Variants in POGLUT1 observed in about 807,000 individuals in gnomAD.
POGLUT1 encodes 9630046K23Rik.
Under a neutral mutation model 61.3 loss-of-function variants are expected in POGLUT1, and 32 were observed. That is an observed-to-expected ratio of 0.52 (90% CI 0.39 to 0.70). The LOEUF (loss-of-function observed/expected upper bound fraction) is 0.70. POGLUT1 is among the 30% of genes least tolerant of loss of function. The pLI is 0.00. For missense variants in POGLUT1, 411 were observed against 469.8 expected, an observed-to-expected ratio of 0.87 and a Z score of 1.16; for synonymous variants, 158 against 158.2, an observed-to-expected ratio of 1.00 and a Z score of 0.01.
intron 5 of POGLUT1, among the ~76,000 whole-genome samples, chr3:119,481,780 C>A (rs905900737): frequency 1.3e-5 from 2 of 152,278 alleles, no homozygotes; most frequent in South Asian, 4.1e-4. Context: ...GGCCTAAAGA[C>A]CAGGTTTCCA....
chr3:119,492,300 G>A lies in POGLUT1; in HGVS notation c.1041G>A (p.Arg347=), dbSNP rs1560040845. ...EIAERGSQFI[R]NHLQMDDITC... is the part of the protein sequence containing the mutation. Reference sequence around the variant, plus strand: ...TCTCTAGGGGAAGCCAGTTTATTAGGAACCATTTGCAGATGGATGACATCA... The same window carrying A: ...TCTCTAGGGGAAGCCAGTTTATTAGAAACCATTTGCAGATGGATGACATCA... Residue 347 remains arginine, a synonymous_variant, in exon 11 of 11, where the codon AGG becomes AGA. Coordinates refer to ENST00000295588, the MANE Select transcript of POGLUT1 (RefSeq NM_152305.3). The A allele has an allele frequency of 6.2e-6, 10 of 1,603,830 alleles. No homozygotes were observed. Among genetic ancestry groups the A allele is most frequent in the Admixed American group, 1.7e-5 (1 of 58,232 alleles).
intron 5 of POGLUT1, among the ~76,000 whole-genome samples, chr3:119,481,180 A>T (rs1269156184): frequency 1.1e-4 from 16 of 152,222 alleles, no homozygotes; most frequent in Admixed American, 9.8e-4. Context: ...TTGAGAGCTA[A>T]GTAGTTTAGG....
At chr3:119,485,267 A>C (rs1393024009) in intron 5 of POGLUT1, 61 bp from the exon 6 acceptor site, 1 of 1,041,620 alleles carries the variant, frequency 9.6e-7, no homozygotes, top group Non-Finnish European at 1.5e-6. Context: ...GAAATGGTTA[A>C]AGCACATTCT....
At position 119,469,032 on chromosome 3, in the gene POGLUT1, G is replaced by T. The variant is rs587777293; in HGVS notation, c.11G>T (p.Trp4Leu). The T allele has an allele frequency of 6.2e-7, 1 of 1,608,630 alleles. No homozygotes were observed. Among genetic ancestry groups the T allele is most frequent in the Admixed American group, 1.7e-5 (1 of 59,860 alleles). The part of the protein sequence containing the change: MEW[W>L]ASSPLRLWLL... ...GTAGGTCTGCCGGCGATGGAGTGGTGGGCTAGCTCGCCGCTTCGGCTCTGG... is the reference window on the plus strand; with the variant it reads ...GTAGGTCTGCCGGCGATGGAGTGGTTGGCTAGCTCGCCGCTTCGGCTCTGG... The change falls in exon 1 of 11, where the codon TGG (tryptophan) becomes TTG (leucine). Residue 4 changes from tryptophan to leucine, a missense_variant. Physicochemically the swap from Trp to Leu is moderately conservative, Grantham distance 61. Coordinates refer to ENST00000295588, the MANE Select transcript of POGLUT1 (RefSeq NM_152305.3).
intron 5 of POGLUT1, among the ~76,000 whole-genome samples, chr3:119,484,312 T>C (rs2081640692): frequency 6.6e-6 from 1 of 152,236 alleles, no homozygotes; most frequent in Non-Finnish European, 1.5e-5. Flanking sequence ...TCTCCGTTAC[T>C]GTAATCCAGC....
intron 7 of POGLUT1, among the ~76,000 whole-genome samples, chr3:119,487,613 AT>A (rs1295775581): frequency 6.6e-6 from 1 of 152,170 alleles, no homozygotes; most frequent in Non-Finnish European, 1.5e-5. Flanking sequence ...AATAAAAATA[AT>A]AAAAAATAAA....
chr3:119,474,653 T>A (rs1409618210), intron 3 of POGLUT1, among the ~76,000 whole-genome samples: 1 of 152,050 alleles, frequency 6.6e-6, no homozygotes, highest in Non-Finnish European at 1.5e-5. Context: ...CTGGCCAATA[T>A]GGTGAAACCC....
intron 3 of POGLUT1, among the ~76,000 whole-genome samples, chr3:119,472,444 C>T (rs1469566548): frequency 3.9e-5 from 6 of 152,164 alleles, no homozygotes; most frequent in Admixed American, 2.0e-4. Context: ...AGGCCGGGTG[C>T]GGTGGCTCAA....
chr3:119,477,622 G>A (rs1245656256), intron 4 of POGLUT1, among the ~76,000 whole-genome samples, 174 bp downstream of exon 4: 1 of 152,236 alleles, frequency 6.6e-6, no homozygotes, highest in African/African-American at 2.4e-5. Context: ...AGACAGAGGA[G>A]ATGAAGTTGA....
intron 6 of POGLUT1, 29 bp downstream of exon 6, chr3:119,485,416 A>G: frequency 6.9e-7 from 1 of 1,458,064 alleles, no homozygotes; most frequent in East Asian, 2.3e-5. Flanking sequence ...TTTTACAAAG[A>G]TATTCTTCCA....
At chr3:119,471,736 G>T in intron 3 of POGLUT1, 1 of 396,752 alleles carries the variant, frequency 2.5e-6, no homozygotes, top group South Asian at 2.3e-5. Context: ...GACACAGGCT[G>T]ATGAGGCCTA....
Position 119,469,314 on chromosome 3 carries a change from C to T in POGLUT1, c.85+208C>T, listed in dbSNP as rs114618989. 3.0e-3 allele frequency: 1,765 copies of T among 589,834 alleles called. 29 individuals carry two copies. The highest frequency in any genetic ancestry group is 0.029 in the African/African-American group (1,552 of 52,828). The allele number at this position is 589,834 out of a possible 1,614,324, so 36.5% of individuals were successfully genotyped here. On this transcript the variant is annotated intron_variant, in intron 1 of 10. Coordinates refer to ENST00000295588, the MANE Select transcript of POGLUT1 (RefSeq NM_152305.3). Reference sequence around the variant, plus strand: ...GGACCCTGGAGAGTAACCCATTCCCCGGAATTCAGAATGACAGGGAGGAGA... The same window carrying T: ...GGACCCTGGAGAGTAACCCATTCCCTGGAATTCAGAATGACAGGGAGGAGA...
chr3:119,472,810 C>T (rs933156745), intron 3 of POGLUT1, among the ~76,000 whole-genome samples: 2 of 152,234 alleles, frequency 1.3e-5, no homozygotes, highest in African/African-American at 2.4e-5. Flanking sequence ...GCACGCAGAT[C>T]GCTTGAGCTC....
intron 3 of POGLUT1, among the ~76,000 whole-genome samples, chr3:119,474,939 C>A (rs1360184809): frequency 1.3e-5 from 2 of 151,818 alleles, no homozygotes; most frequent in Non-Finnish European, 2.9e-5. Flanking sequence ...TATTTTTTTA[C>A]ATTTTTTAAC....
At chr3:119,482,381 CTTTA>C (rs1296696309) in intron 5 of POGLUT1, among the ~76,000 whole-genome samples, 1 of 149,714 alleles carries the variant, frequency 6.7e-6, no homozygotes, top group Non-Finnish European at 1.5e-5. Context: ...GAAAGAGTCA[CTTTA>C]TTTATTTGTT....
intron 1 of POGLUT1, 34 bp from the exon 2 acceptor site, chr3:119,469,786 T>C: frequency 8.3e-7 from 1 of 1,207,888 alleles, no homozygotes; most frequent in Non-Finnish European, 1.2e-6. Context: ...TTCAGGAAAA[T>C]TTTTTTAACT....
intron 5 of POGLUT1, among the ~76,000 whole-genome samples, chr3:119,481,906 A>T (rs973076330): frequency 6.6e-6 from 1 of 151,946 alleles, no homozygotes. Flanking sequence ...GGGGGGAAAA[A>T]GGTGTGGTTT....
intron 4 of POGLUT1, among the ~76,000 whole-genome samples, chr3:119,479,285 A>C (rs901176708): frequency 2.6e-5 from 4 of 152,076 alleles, no homozygotes; most frequent in Non-Finnish European, 5.9e-5. Flanking sequence ...GCTCATCCAT[A>C]CTTCTGACCC....
chr3:119,480,026 G>A lies in POGLUT1; in HGVS notation c.457-25G>A, dbSNP rs4688007. On this transcript the variant is annotated intron_variant, in intron 4 of 10. Coordinates refer to ENST00000295588, the MANE Select transcript of POGLUT1 (RefSeq NM_152305.3). ...TTTCACTGTTCCAAGACTGATTTAG[G>A]ACGACCTGTCTGTTTTTGTTGAAGA... 1,297,435 of 1,611,428 alleles carry A rather than the reference G, an allele frequency of 0.81. 523,596 individuals are homozygous for A. The highest frequency in any genetic ancestry group is 0.89 in the East Asian group (39,684 of 44,768).
Sources: gnomAD v4.1 joint callset for allele counts (sites outside exome capture counted in the v4.1 genomes callset) on GRCh38, gnomAD v4.1.1 for gene constraint, MANE v1.5 for transcripts, NCBI Gene and HGNC (gene_info 2026-07-23, HGNC 2026-07-21) for gene names.